Variants in NOMO2 observed in about 807,000 individuals in gnomAD.
The protein encoded by NOMO2 is BOS complex subunit NOMO2.
A neutral mutation model predicts 67.1 loss-of-function variants in NOMO2; 14 were observed. The observed-to-expected ratio is 0.21, with a 90% CI of 0.14 to 0.33. The LOEUF is 0.33. Ranked by LOEUF, NOMO2 falls within the 10% of genes least tolerant of loss-of-function variation. NOMO2 has a pLI of 1.00. For missense variants in NOMO2, 178 were observed against 761.0 expected (o/e 0.23, Z 9.01); for synonymous variants, 80 against 305.9 (o/e 0.26, Z 7.71).
At chr16:18,540,544 A>G (rs1901527338) in intron 9 of NOMO2, among the ~76,000 whole-genome samples, 1 of 151,210 alleles carries the variant, frequency 6.6e-6, no homozygotes, top group African/African-American at 2.4e-5. Context: ...AAGCTACGAG[A>G]AGCAAAGTAA....
chr16:18,561,854 G>C, intron 1 of NOMO2, 22 bp downstream of exon 1: 1 of 1,545,906 alleles, frequency 6.5e-7, no homozygotes, highest in Non-Finnish European at 8.7e-7. Flanking sequence ...ACTCGGCGCC[G>C]GGCGGCGGGG....
Position 18,524,546 on chromosome 16 carries a change from T to A in NOMO2, c.1901A>T (p.Tyr634Phe), listed in dbSNP as rs1273498062. Residue 634 changes from tyrosine to phenylalanine, a missense_variant, in exon 17 of 31, where the codon TAC becomes TTC. Coordinates refer to ENST00000622306, the MANE Select transcript of NOMO2 (RefSeq NM_173614.4). ...NRFCLSKPGV[Y>F]KVTPRSCHRF... The stretch of plus-strand genomic sequence containing the variant: ...GTGGCAGGAGCGAGGGGTCACTTTG[T>A]ACACACCTACAGACAGGAAATCAAA... 1.1e-6 allele frequency: 1 copy of A among 890,932 alleles called. No individual in the cohort carries two copies. The highest frequency in any genetic ancestry group is 1.8e-6 in the Non-Finnish European group (1 of 568,530). The allele number at this position is 890,932 out of a possible 1,614,324, so 55.2% of individuals were successfully genotyped here.
intron 15 of NOMO2, among the ~76,000 whole-genome samples, chr16:18,528,892 C>T (rs1376556384): frequency 2.1e-5 from 3 of 142,732 alleles, no homozygotes; most frequent in Non-Finnish European, 4.6e-5. Context: ...CGCTTGAACT[C>T]GGGAGGCGGA....
intron 16 of NOMO2, among the ~76,000 whole-genome samples, chr16:18,527,098 C>G (rs2141715280): frequency 8.1e-6 from 1 of 123,066 alleles, no homozygotes; most frequent in African/African-American, 2.9e-5. Flanking sequence ...CACCTGTAAT[C>G]CCAGCTTCTC....
intron 4 of NOMO2, among the ~76,000 whole-genome samples, chr16:18,550,877 G>A (rs879663610): frequency 3.6e-4 from 54 of 151,900 alleles, no homozygotes; most frequent in African/African-American, 1.1e-3. Context: ...CGCTAACAGC[G>A]GCTGGGTGCA....
chr16:18,556,367 C>A (rs1442922188), intron 2 of NOMO2, among the ~76,000 whole-genome samples: 2 of 151,264 alleles, frequency 1.3e-5, no homozygotes, highest in Non-Finnish European at 2.9e-5. Context: ...GGCAGAAACC[C>A]AGGAGGCAGA....
chr16:18,540,199 T>C (rs936146754), intron 9 of NOMO2, among the ~76,000 whole-genome samples: 1 of 149,552 alleles, frequency 6.7e-6, no homozygotes, highest in Non-Finnish European at 1.5e-5. Flanking sequence ...TTCTTTTTTA[T>C]TTTTTTATTT....
chr16:18,536,641 C>T (rs1411707831), intron 11 of NOMO2, among the ~76,000 whole-genome samples: 1 of 152,060 alleles, frequency 6.6e-6, no homozygotes, highest in East Asian at 1.9e-4. Flanking sequence ...AGGTGTGAGG[C>T]ATTAAGCCTG....
chr16:18,558,084 G>C (rs968671205), intron 1 of NOMO2, among the ~76,000 whole-genome samples: 10 of 149,970 alleles, frequency 6.7e-5, no homozygotes, highest in Admixed American at 1.4e-4. Context: ...TAAGTTTCCG[G>C]GTCTAAAACA....
At position 18,561,864 on chromosome 16, in the gene NOMO2, G is replaced by T; in HGVS notation, c.165+12C>A. The T allele has an allele frequency of 1.3e-6, 2 of 1,548,024 alleles. No homozygotes were observed. The highest frequency in any genetic ancestry group is 1.7e-6 in the Non-Finnish European group (2 of 1,147,352). ...CGGCGACTCGGCGCCGGGCGGCGGGGCGGGCGCTCACCTCGATGAGCGAGT... is the reference window on the plus strand; with the variant it reads ...CGGCGACTCGGCGCCGGGCGGCGGGTCGGGCGCTCACCTCGATGAGCGAGT... On this transcript the variant is annotated intron_variant, in intron 1 of 30. Coordinates refer to ENST00000622306, the MANE Select transcript of NOMO2 (RefSeq NM_173614.4).
At chr16:18,534,099 C>T (rs1255283840) in intron 11 of NOMO2, among the ~76,000 whole-genome samples, 1 of 151,818 alleles carries the variant, frequency 6.6e-6, no homozygotes, top group African/African-American at 2.4e-5. Context: ...ATGTTGGAAC[C>T]ACCACTCCGC....
chr16:18,555,582 C>A (rs987191382), intron 2 of NOMO2, among the ~76,000 whole-genome samples: 4 of 151,590 alleles, frequency 2.6e-5, no homozygotes, highest in Non-Finnish European at 4.4e-5. Flanking sequence ...CTAGATTTTA[C>A]TTATCAACCC....
rs1363462471 is a variant in NOMO2 at position 18,561,963 on chromosome 16, C to T, written c.78G>A (p.Val26=). 1.3e-6 allele frequency: 2 copies of T among 1,569,592 alleles called. No homozygotes were observed. The highest frequency in any genetic ancestry group is 2.4e-5 in the East Asian group (1 of 42,102). The part of the protein sequence containing the change: ...TAAVVLLLSG[V]GPAHGSEDIV... Reference sequence around the variant, plus strand: ...TGTCCTCCGAGCCGTGCGCCGGCCCCACGCCGCTCAGCAGCAGCACCACCG... The same window carrying T: ...TGTCCTCCGAGCCGTGCGCCGGCCCTACGCCGCTCAGCAGCAGCACCACCG... Residue 26 remains valine, a synonymous_variant, in exon 1 of 31, where the codon GTG becomes GTA. Transcript: ENST00000622306.
At chr16:18,555,366 C>CA (rs1371866039) in intron 2 of NOMO2, among the ~76,000 whole-genome samples, 4 of 147,318 alleles carry the variant, frequency 2.7e-5, no homozygotes, top group Admixed American at 1.4e-4. Context: ...CCCATCTGTA[C>CA]AAAAAATGTT....
intron 2 of NOMO2, among the ~76,000 whole-genome samples, chr16:18,556,331 G>C (rs1596862526): frequency 6.6e-6 from 1 of 151,822 alleles, no homozygotes; most frequent in Non-Finnish European, 1.5e-5. Context: ...GTGGGTGCCT[G>C]TAATCCCAGC....
At chr16:18,536,340 G>T (rs1310245915) in intron 11 of NOMO2, among the ~76,000 whole-genome samples, 3 of 152,192 alleles carry the variant, frequency 2.0e-5, no homozygotes, top group Non-Finnish European at 4.4e-5. Context: ...GCCTTGCAGA[G>T]CTCCCACTCT....
intron 3 of NOMO2, among the ~76,000 whole-genome samples, chr16:18,552,789 C>G (rs1320326938): frequency 6.6e-6 from 1 of 152,018 alleles, no homozygotes; most frequent in African/African-American, 2.4e-5. Context: ...ACACCTAAAG[C>G]TGAGCATGTA....
chr16:18,552,831 T>C (rs1901819136), intron 3 of NOMO2, among the ~76,000 whole-genome samples: 1 of 152,024 alleles, frequency 6.6e-6, no homozygotes, highest in Non-Finnish European at 1.5e-5. Context: ...TTTACTCCTG[T>C]GATACACTCA....
chr16:18,543,265 A>G (rs1596854797), intron 7 of NOMO2, among the ~76,000 whole-genome samples: 1 of 136,766 alleles, frequency 7.3e-6, no homozygotes, highest in Non-Finnish European at 1.6e-5. Flanking sequence ...TGCAACCTCC[A>G]CCTCCTGGGT....
Sources: allele counts gnomAD v4.1 joint callset (sites outside exome capture counted in the v4.1 genomes callset), GRCh38; gene constraint gnomAD v4.1.1; transcripts MANE v1.5; gene names NCBI Gene and HGNC (gene_info 2026-07-23, HGNC 2026-07-21).